The following TMX3 variants were observed in gnomAD, a reference collection of about 807,000 sequenced individuals.
TMX3 encodes protein disulfide-isomerase TMX3.
TMX3 carries 40 observed loss-of-function variants against 64.4 expected under a neutral mutation model. The observed-to-expected ratio is 0.62, with a 90% CI of 0.48 to 0.81. TMX3 has a LOEUF of 0.81. Ranked by LOEUF, TMX3 falls within the 30% of genes least tolerant of loss-of-function variation. The pLI, the probability that TMX3 is intolerant of heterozygous loss-of-function variation, is 0.00. For missense variants in TMX3, 497 were observed against 534.5 expected, an observed-to-expected ratio of 0.93 and a Z score of 0.69; for synonymous variants, 189 against 175.7, an observed-to-expected ratio of 1.08 and a Z score of -0.60.
Position 68,677,046 on chromosome 18 carries a change from C to A in TMX3, c.1252G>T (p.Glu418Ter). ...ERYEVSKSEN[E>*]NQEQIEESKE... The stretch of plus-strand genomic sequence containing the variant: ...CTCTCTTCTATCTGTTCTTGGTTTT[C>A]ATTTTCACTTTTAGACACTTCATAT... Residue 418 changes from glutamate (E) to a stop codon, truncating the protein, a stop_gained, in exon 16 of 16, where the codon GAA becomes TAA. Coordinates refer to ENST00000299608, the MANE Select transcript of TMX3 (RefSeq NM_019022.5). LOFTEE classifies it low-confidence loss of function (END_TRUNC). The A allele has an allele frequency of 6.2e-7, 1 of 1,613,854 alleles. No homozygotes were observed. Among genetic ancestry groups the A allele is most frequent in the Non-Finnish European group, 8.5e-7 (1 of 1,179,834 alleles).
chr18:68,681,881 C>G (rs2145013664), intron 13 of TMX3, among the ~76,000 whole-genome samples: 1 of 152,256 alleles, frequency 6.6e-6, no homozygotes, highest in East Asian at 1.9e-4. Flanking sequence ...CTAGCACTCT[C>G]CTAAGCCCAG....
Position 68,710,153 on chromosome 18 carries a change from A to T in TMX3, c.142-9T>A, listed in dbSNP as rs1321906543. 1.2e-5 allele frequency: 19 copies of T among 1,522,394 alleles called. No homozygotes were observed. Among genetic ancestry groups the T allele is most frequent in the African/African-American group, 2.9e-5 (2 of 68,562 alleles). The allele number at this position is 1,522,394 out of a possible 1,614,324, so 94.3% of individuals were successfully genotyped here. A position where few individuals can be genotyped will look rare whatever the true frequency, so the allele number is the denominator to read the frequency against. Reference sequence around the variant, plus strand: ...CACCATGGCGCATAAAACTTGTTTTAAAAAAACAAACAACAAACAAAAAAA... The same window carrying T: ...CACCATGGCGCATAAAACTTGTTTTTAAAAAACAAACAACAAACAAAAAAA... On this transcript the variant is annotated splice_polypyrimidine_tract_variant and intron_variant, in intron 3 of 15. Transcript: ENST00000299608.
chr18:68,711,657 A>G (rs1248281592), intron 2 of TMX3, among the ~76,000 whole-genome samples: 2 of 152,228 alleles, frequency 1.3e-5, no homozygotes, highest in Non-Finnish European at 2.9e-5. Flanking sequence ...TGGTAGAAAC[A>G]CAAACAGATG....
intron 4 of TMX3, among the ~76,000 whole-genome samples, chr18:68,709,023 T>G (rs1404985072): frequency 2.0e-5 from 3 of 152,138 alleles, no homozygotes; most frequent in Admixed American, 1.3e-4. Context: ...AAATATACAT[T>G]ACGTACTTCC....
At chr18:68,710,642 T>A (rs1445919216) in intron 3 of TMX3, among the ~76,000 whole-genome samples, 1 of 152,172 alleles carries the variant, frequency 6.6e-6, no homozygotes, top group East Asian at 1.9e-4. Flanking sequence ...ACAAGCCAGG[T>A]TGATTAAACT....
chr18:68,700,500 A>C lies in TMX3; in HGVS notation c.312-15T>G, dbSNP rs1255664961. The C allele has an allele frequency of 6.6e-7, 1 of 1,506,682 alleles. No individual in the cohort carries two copies. 93.3% of individuals were successfully genotyped at this position (1,506,682 alleles called of 1,614,324 possible). A position where few individuals can be genotyped will look rare whatever the true frequency, so the allele number is the denominator to read the frequency against. ...CCCCTTTTAATCTTTAAAAAAAAAA[A>C]AAAATTAAAACCTGGATTGTTCTAA... On this transcript the variant is annotated splice_polypyrimidine_tract_variant and intron_variant, in intron 5 of 15. Transcript: ENST00000299608.
rs1912903094 is a variant in TMX3, at chr18:68,676,071, T to C, written c.*862A>G. ...AACATAAAAATATGATACATACCAC[T>C]TTTCAAAAAGCAGAAGATTTTTATC... On this transcript the variant is annotated 3_prime_UTR_variant, in exon 16 of 16. Transcript: ENST00000299608. The C allele has an allele frequency of 6.6e-6, 1 of 152,100 alleles. No individual in the cohort carries two copies. Among genetic ancestry groups the C allele is most frequent in the African/African-American group, 2.4e-5 (1 of 41,430 alleles). The allele number at this position is 152,100 out of a possible 1,614,324, so 9.4% of individuals were successfully genotyped here. A position where few individuals can be genotyped will look rare whatever the true frequency, so the allele number is the denominator to read the frequency against.
chr18:68,704,721 AG>A (rs754451587), intron 4 of TMX3, among the ~76,000 whole-genome samples: 38 of 152,196 alleles, frequency 2.5e-4, no homozygotes, highest in Non-Finnish European at 4.7e-4. Context: ...ATAGCTTTGA[AG>A]TTTTACGATT....
chr18:68,713,283 C>G (rs2031472404), intron 2 of TMX3, among the ~76,000 whole-genome samples: 1 of 152,184 alleles, frequency 6.6e-6, no homozygotes, highest in Non-Finnish European at 1.5e-5. Context: ...TAAACAGAGA[C>G]CACTGGGTTG....
intron 6 of TMX3, among the ~76,000 whole-genome samples, chr18:68,698,776 G>A (rs112876843): frequency 0.05 from 7,672 of 152,088 alleles, 661 homozygotes; most frequent in African/African-American, 0.17. Flanking sequence ...CAGCACTTTG[G>A]GAGGCCGAGG....
intron 3 of TMX3, among the ~76,000 whole-genome samples, chr18:68,710,907 A>G (rs1241026672): frequency 1.3e-5 from 2 of 152,200 alleles, no homozygotes; most frequent in Non-Finnish European, 2.9e-5. Context: ...CTCAACTATC[A>G]TAAGGTTTAA....
At position 68,691,373 on chromosome 18, in the gene TMX3, C is replaced by T. The variant is rs374715842; in HGVS notation, c.571-12G>A. On this transcript the variant is annotated splice_polypyrimidine_tract_variant and intron_variant, in intron 8 of 15. Transcript: ENST00000299608. ...TTTAGTGTCACATACTGCAAAAAATCAGAAGTTTAAATAACTTTTATCACT... is the reference window on the plus strand; with the variant it reads ...TTTAGTGTCACATACTGCAAAAAATTAGAAGTTTAAATAACTTTTATCACT... The T allele has an allele frequency of 1.4e-6, 2 of 1,477,624 alleles. No homozygotes were observed. The highest frequency in any genetic ancestry group is 2.2e-5 in the Admixed American group (1 of 44,986). 91.5% of individuals were successfully genotyped at this position (1,477,624 alleles called of 1,614,324 possible). A position where few individuals can be genotyped will look rare whatever the true frequency, so the allele number is the denominator to read the frequency against.
At chr18:68,713,776 A>C (rs1292169706) in intron 2 of TMX3, 70 bp downstream of exon 2, 1 of 766,036 alleles carries the variant, frequency 1.3e-6, no homozygotes, top group Admixed American at 3.7e-5. Flanking sequence ...TATTAGAATC[A>C]CATGCAAATA....
chr18:68,686,613 A>G (rs1169884049), intron 10 of TMX3: 14 of 445,196 alleles, frequency 3.1e-5, no homozygotes, highest in Non-Finnish European at 4.2e-5. Context: ...AGGCTGAGGC[A>G]GGAGAACTGC....
chr18:68,677,049 T>C lies in TMX3; in HGVS notation c.1249A>G (p.Asn417Asp), dbSNP rs1174467587. 3 of 1,613,762 alleles carry C rather than the reference T, an allele frequency of 1.9e-6. No individual in the cohort carries two copies. The highest frequency in any genetic ancestry group is 2.5e-6 in the Non-Finnish European group (3 of 1,179,856). ...EERYEVSKSE[N>D]ENQEQIEESK... ...TCTTCTATCTGTTCTTGGTTTTCATTTTCACTTTTAGACACTTCATATCGT... is the reference window on the plus strand; with the variant it reads ...TCTTCTATCTGTTCTTGGTTTTCATCTTCACTTTTAGACACTTCATATCGT... Residue 417 changes from asparagine (N) to aspartate (D), a missense_variant, in exon 16 of 16, where the codon AAT becomes GAT. By Grantham distance (23) the Asn-to-Asp change is conservative. Transcript: ENST00000299608.
chr18:68,681,158 C>A, intron 13 of TMX3, 48 bp from the exon 14 acceptor site: 2 of 1,418,510 alleles, frequency 1.4e-6, no homozygotes, highest in South Asian at 1.7e-5. Context: ...ACAGCAATAG[C>A]AAGTATTCTG....
At chr18:68,681,528 A>C in intron 13 of TMX3, 1 of 984,900 alleles carries the variant, frequency 1.0e-6, no homozygotes, top group Non-Finnish European at 1.2e-6. Context: ...ATCTTTGGCA[A>C]ATCCTCTTAA....
chr18:68,708,035 GTATATATGTGTA>G (rs756773306), intron 4 of TMX3, among the ~76,000 whole-genome samples: 6,606 of 145,494 alleles, frequency 0.045, 311 homozygotes, highest in African/African-American at 0.14. Flanking sequence ...GTGTATATGT[GTATATATGTGTA>G]TATATATGTG....
intron 8 of TMX3, among the ~76,000 whole-genome samples, chr18:68,695,427 T>TGTCCA (rs1914966535): frequency 6.6e-6 from 1 of 152,210 alleles, no homozygotes; most frequent in Non-Finnish European, 1.5e-5. Context: ...TAGACCCCTA[T>TGTCCA]GTCCAACTGC....
Sources: allele counts gnomAD v4.1 joint callset (sites outside exome capture counted in the v4.1 genomes callset), GRCh38; gene constraint gnomAD v4.1.1; transcripts MANE v1.5; gene names NCBI Gene and HGNC (gene_info 2026-07-23, HGNC 2026-07-21).